TEKTL1: variants seen among roughly 807,000 people sequenced by gnomAD.
TEKTL1 encodes tektin-like protein 1.
At chr19:15,021,799 C>T in the TEKTL1 span, 1 of 1,613,760 alleles carries the variant, frequency 6.2e-7, no homozygotes, top group Non-Finnish European at 8.5e-7. Context: ...ACACCGCACC[C>T]CACCAGGGTC....
chr19:15,016,184 CCTTTTT>C, the TEKTL1 span, among the ~76,000 whole-genome samples: 3 of 111,762 alleles, frequency 2.7e-5, no homozygotes, highest in Non-Finnish European at 3.4e-5. Flanking sequence ...GGACAGCTGT[CCTTTTT>C]TTTTTTTTTT....
the TEKTL1 span, chr19:15,021,340 TG>T: frequency 1.9e-6 from 3 of 1,612,610 alleles, no homozygotes; most frequent in South Asian, 3.3e-5. Flanking sequence ...ACGCGCATCC[TG>T]GGCATTTGCA....
At chr19:15,021,504 G>A in the TEKTL1 span, 1 of 1,614,038 alleles carries the variant, frequency 6.2e-7, no homozygotes, top group African/African-American at 1.3e-5. Flanking sequence ...AGGCGAGCGA[G>A]ACCTTGGAGC....
chr19:15,014,731 C>CGGGGGGGGGGGGG, the TEKTL1 span, among the ~76,000 whole-genome samples: 1 of 11,774 alleles, frequency 8.5e-5, no homozygotes, highest in African/African-American at 4.5e-4. Flanking sequence ...AGTGGGGGGG[C>CGGGGGGGGGGGGG]GGGGGGCGGG....
At chr19:15,022,236 G>A in the TEKTL1 span, among the ~76,000 whole-genome samples, 1 of 152,194 alleles carries the variant, frequency 6.6e-6, no homozygotes, top group Non-Finnish European at 1.5e-5. Context: ...TCAAATGGTG[G>A]TGGTGAGGAC....
the TEKTL1 span, among the ~76,000 whole-genome samples, chr19:15,015,070 G>A: frequency 1.3e-5 from 2 of 152,156 alleles, no homozygotes; most frequent in African/African-American, 4.8e-5. Context: ...AGTGCCTGCA[G>A]TCCCTATTCA....
the TEKTL1 span, chr19:15,011,428 A>G: frequency 2.9e-6 from 4 of 1,396,886 alleles, no homozygotes; most frequent in South Asian, 4.9e-5. Flanking sequence ...ACCCCAGCCT[A>G]ACTGCAAAGA....
chr19:15,018,512 A>G, the TEKTL1 span, among the ~76,000 whole-genome samples: 1 of 151,216 alleles, frequency 6.6e-6, no homozygotes, highest in African/African-American at 2.4e-5. Flanking sequence ...AGTTTGAGAC[A>G]AGCCTGGACA....
the TEKTL1 span, chr19:15,021,296 C>G: frequency 3.1e-6 from 5 of 1,594,436 alleles, no homozygotes; most frequent in Admixed American, 6.8e-5. Context: ...GAGAGAGGGA[C>G]AGGGGCTCTG....
chr19:15,021,572 G>C, the TEKTL1 span: 43 of 1,613,236 alleles, frequency 2.7e-5, no homozygotes, highest in South Asian at 4.4e-4. Flanking sequence ...GAGGAGACGC[G>C]GACTGGGAGC....
the TEKTL1 span, chr19:15,020,600 C>T: frequency 8.1e-6 from 13 of 1,614,138 alleles, no homozygotes; most frequent in African/African-American, 1.7e-4. Context: ...CGAGCCCCCA[C>T]TCCACGCACA....
the TEKTL1 span, chr19:15,010,972 C>G: frequency 6.3e-7 from 1 of 1,593,780 alleles, no homozygotes; most frequent in Non-Finnish European, 8.5e-7. Context: ...TGTGGCAGCC[C>G]AAGGACAGCG....
At chr19:15,014,731 C>CGGCGGG in the TEKTL1 span, among the ~76,000 whole-genome samples, 2 of 11,752 alleles carry the variant, frequency 1.7e-4, no homozygotes, top group South Asian at 2.7e-3. Context: ...AGTGGGGGGG[C>CGGCGGG]GGGGGGCGGG....
At chr19:15,012,981 A>C in the TEKTL1 span, among the ~76,000 whole-genome samples, 1 of 151,822 alleles carries the variant, frequency 6.6e-6, no homozygotes. Flanking sequence ...GGAAGTGAAA[A>C]TCTCCACCCC....
chr19:15,011,693 C>T, the TEKTL1 span, among the ~76,000 whole-genome samples: 1 of 147,168 alleles, frequency 6.8e-6, no homozygotes, highest in South Asian at 2.2e-4. Flanking sequence ...GAGATCGTGC[C>T]ATTGCACTCC....
the TEKTL1 span, among the ~76,000 whole-genome samples, chr19:15,022,285 T>G: frequency 6.6e-6 from 1 of 151,880 alleles, no homozygotes; most frequent in East Asian, 1.9e-4. Context: ...GCATGGCACC[T>G]GCATAGAATA....
At chr19:15,021,485 T>C in the TEKTL1 span, 1 of 1,614,148 alleles carries the variant, frequency 6.2e-7, no homozygotes. Flanking sequence ...TGTGCCTCGC[T>C]GGCGCAGAAG....
chr19:15,010,734 G>A, the TEKTL1 span: 48 of 1,371,956 alleles, frequency 3.5e-5, no homozygotes, highest in Non-Finnish European at 4.5e-5. Flanking sequence ...TCAGTACACT[G>A]TCTCTACAGG....
the TEKTL1 span, chr19:15,020,385 A>G: frequency 7.9e-7 from 1 of 1,267,928 alleles, no homozygotes; most frequent in Non-Finnish European, 1.1e-6. Flanking sequence ...TCAAGCCTGC[A>G]GCAGAGAAAT....
Sources: allele counts gnomAD v4.1 joint callset (sites outside exome capture counted in the v4.1 genomes callset), GRCh38; gene constraint gnomAD v4.1.1; transcripts MANE v1.5; gene names NCBI Gene and HGNC (gene_info 2026-07-23, HGNC 2026-07-21).